Variants in WDR33 observed in about 807,000 individuals in gnomAD.
The protein encoded by WDR33 is WD repeat domain 33, also known as pre-mRNA 3' end processing protein WDR33.
A neutral mutation model predicts 164.9 loss-of-function variants in WDR33; 47 were observed. The observed-to-expected ratio is 0.29, with a 90% confidence interval of 0.23 to 0.36. The LOEUF is 0.36. WDR33 is among the 10% of genes least tolerant of loss of function. WDR33 has a pLI of 1.00. For synonymous variants in WDR33, 505 were observed against 589.0 expected (o/e 0.86, Z 2.06); for missense variants, 1,137 against 1,754.1 (o/e 0.65, Z 6.28).
At chr2:127,765,729 GATA>G (rs1335253365) in intron 4 of WDR33, among the ~76,000 whole-genome samples, 2 of 149,982 alleles carry the variant, frequency 1.3e-5, no homozygotes, top group East Asian at 2.0e-4. Context: ...AAAAAAACAA[GATA>G]ATAATAAGTA....
At chr2:127,728,066 A>T (rs1686614106) in intron 7 of WDR33, among the ~76,000 whole-genome samples, 2 of 152,244 alleles carry the variant, frequency 1.3e-5, no homozygotes, top group South Asian at 4.1e-4. Flanking sequence ...TATCAAAAGT[A>T]TGAGAAAGTA....
At chr2:127,730,589 TGAA>T (rs1453091649) in intron 7 of WDR33, among the ~76,000 whole-genome samples, 1 of 152,096 alleles carries the variant, frequency 6.6e-6, no homozygotes, top group Admixed American at 6.5e-5. Flanking sequence ...ACCATTAAAA[TGAA>T]GATTTTTGAA....
Position 127,708,827 on chromosome 2 carries a change from G to A in WDR33, c.3631C>T (p.Pro1211Ser), listed in dbSNP as rs1686080497. ...GAAGAGGAGCGTTCTCTGCTGGCTG[G>A]GGAATGACCGTCGTGAGGGGGATGA... ...PDHPPHDGHS[P>S]ASRERSSSLQ... Residue 1211 changes from proline to serine, a missense_variant, in exon 21 of 22, where the codon CCA becomes TCA. Physicochemically the swap from Pro to Ser is moderately conservative, Grantham distance 74. Coordinates refer to ENST00000322313, the MANE Select transcript of WDR33 (RefSeq NM_018383.5). The surrounding 1 kb of genome is among the most constrained non-coding windows in gnomAD (Gnocchi z 6.7). 6.2e-7 allele frequency: 1 copy of A among 1,612,334 alleles called. No individual in the cohort carries two copies.
chr2:127,789,557 G>A (rs1358129422), intron 1 of WDR33, among the ~76,000 whole-genome samples: 4 of 149,776 alleles, frequency 2.7e-5, no homozygotes, highest in African/African-American at 4.9e-5. Flanking sequence ...CAGGCGTGGC[G>A]GCGCGTGCCT....
intron 1 of WDR33, among the ~76,000 whole-genome samples, chr2:127,788,537 T>C (rs1421519000): frequency 9.5e-6 from 1 of 104,892 alleles, no homozygotes; most frequent in African/African-American, 4.1e-5. Context: ...CCCCCCCATC[T>C]CCCTCCCGGA....
chr2:127,711,782 T>A (rs813893), intron 18 of WDR33, among the ~76,000 whole-genome samples: 1,609 of 84,206 alleles, frequency 0.019, 39 homozygotes, highest in Admixed American at 0.066. Flanking sequence ...ATATATATAT[T>A]TTTTTTTTGA....
intron 1 of WDR33, among the ~76,000 whole-genome samples, chr2:127,809,902 A>C (rs1689586108): frequency 6.6e-6 from 1 of 152,218 alleles, no homozygotes; most frequent in Non-Finnish European, 1.5e-5. Context: ...CAAAAAAAGC[A>C]AAAGTATCTT....
At chr2:127,810,907 G>A (rs1689628475) in intron 1 of WDR33, 105 bp downstream of exon 1, 1 of 152,880 alleles carries the variant, frequency 6.5e-6, no homozygotes. Flanking sequence ...CCTGTGCCCA[G>A]GCGCCCGTCC....
At position 127,723,130 on chromosome 2, in the gene WDR33, CTGA is replaced by C. The variant is rs1686482641; in HGVS notation, c.1292-89_1292-87del. 2.1e-6 allele frequency: 3 copies of C among 1,425,332 alleles called. No homozygotes were observed. The highest frequency in any genetic ancestry group is 2.9e-6 in the Non-Finnish European group (3 of 1,042,932). 88.3% of individuals were successfully genotyped at this position (1,425,332 alleles called of 1,614,324 possible). Reference sequence around the variant, plus strand: ...TAATGCTTTATAAAAATGAATGTCACTGATGATTTATAAATAAATCTACTATAA... The same window carrying C: ...TAATGCTTTATAAAAATGAATGTCACTGATTTATAAATAAATCTACTATAA... On this transcript the variant is annotated intron_variant, in intron 12 of 21. Coordinates refer to ENST00000322313, the MANE Select transcript of WDR33 (RefSeq NM_018383.5). This position sits in a 1 kb window ranked among gnomAD's most constrained non-coding sequence, Gnocchi z 5.9.
rs1686292080 is a variant in WDR33 at position 127,716,004 on chromosome 2, A to G, written c.2869+1151T>C. ...GAGGGAAGGAGGTGGAGACAGACAC[A>G]GGGCAGGGAGAGGAAGAGAGGCAGC... On this transcript the variant is annotated intron_variant, in intron 17 of 21. Transcript: ENST00000322313. The surrounding 1 kb of genome is among the most constrained non-coding windows in gnomAD (Gnocchi z 4.5). Among the ~76,000 whole-genome samples, 3 of 152,286 alleles carry G rather than the reference A, an allele frequency of 2.0e-5. No homozygotes were observed. In the South Asian group the frequency reaches 6.2e-4, roughly 32 times the overall value.
intron 1 of WDR33, among the ~76,000 whole-genome samples, chr2:127,777,864 A>AG (rs1688236661): frequency 6.6e-6 from 1 of 152,172 alleles, no homozygotes; most frequent in South Asian, 2.1e-4. Context: ...CTCCCACCTC[A>AG]GCCTCTCAAA....
rs1686085403 is a variant in WDR33 at position 127,708,952 on chromosome 2, A to G, written c.3566-60T>C. 1.4e-6 allele frequency: 2 copies of G among 1,460,936 alleles called. No homozygotes were observed. The highest frequency in any genetic ancestry group is 2.4e-5 in the East Asian group (1 of 42,040). The allele number at this position is 1,460,936 out of a possible 1,614,324, so 90.5% of individuals were successfully genotyped here. A position where few individuals can be genotyped will look rare whatever the true frequency, so the allele number is the denominator to read the frequency against. On this transcript the variant is annotated intron_variant, in intron 20 of 21. Transcript: ENST00000322313. This position sits in a 1 kb window ranked among gnomAD's most constrained non-coding sequence, Gnocchi z 6.7. ...ACAGTGTGACCAGAAGTAGATGGGA[A>G]TGACACTGTGAGAGTAAGGAGCAAC...
In WDR33 at chr2:127,770,806, T is replaced by C. The variant is rs1418791238; in HGVS notation, c.176A>G (p.Tyr59Cys). Residue 59 changes from tyrosine to cysteine, a missense_variant, in exon 2 of 22, where the codon TAC becomes TGC. Physicochemically the swap from Tyr to Cys is radical, Grantham distance 194. This residue lies in a region of WDR33 where 55 missense variants were observed against 84.6 expected (regional missense o/e 0.65). Coordinates refer to ENST00000322313, the MANE Select transcript of WDR33 (RefSeq NM_018383.5). This position sits in a 1 kb window ranked among gnomAD's most constrained non-coding sequence, Gnocchi z 4.9. ...CAAATACTTAATTACAGATGGATTGTAGTCTATGGTTTTTCGGTTCACAGC... is the reference window on the plus strand; with the variant it reads ...CAAATACTTAATTACAGATGGATTGCAGTCTATGGTTTTTCGGTTCACAGC... ...RKAVNRKTIDYNPSVIKYLEN... is the reference protein window; with the variant it reads ...RKAVNRKTIDCNPSVIKYLEN... 1.9e-6 allele frequency: 3 copies of C among 1,614,062 alleles called. No homozygotes were observed. The highest frequency in any genetic ancestry group is 2.5e-6 in the Non-Finnish European group (3 of 1,180,034).
At chr2:127,728,031 A>T (rs1686613269) in intron 7 of WDR33, among the ~76,000 whole-genome samples, 1 of 152,220 alleles carries the variant, frequency 6.6e-6, no homozygotes, top group African/African-American at 2.4e-5. Context: ...GGTGACAACA[A>T]TCTGGAGAAC....
chr2:127,779,281 A>C (rs1288444104), intron 1 of WDR33, among the ~76,000 whole-genome samples: 1 of 152,068 alleles, frequency 6.6e-6, no homozygotes, highest in Non-Finnish European at 1.5e-5. Context: ...GAGCCTGGCT[A>C]ATATGGTGAA....
chr2:127,795,745 G>A (rs1297735970), intron 1 of WDR33, among the ~76,000 whole-genome samples: 5 of 151,240 alleles, frequency 3.3e-5, no homozygotes, highest in African/African-American at 7.3e-5. Flanking sequence ...AGATGGAGAG[G>A]ATCACTTGTG....
chr2:127,719,868 G>A lies in WDR33; in HGVS notation c.2157C>T (p.Pro719=). 6.8e-6 allele frequency: 11 copies of A among 1,613,540 alleles called. No individual in the cohort carries two copies. The highest frequency in any genetic ancestry group is 9.3e-6 in the Non-Finnish European group (11 of 1,179,908). ...GPPGPQGHIG[P]QGPPGPQGHL... ...GACCCTGAGGGCCAGGCGGGCCTTG[G>A]GGGCCTATGTGACCCTGTGGGCCAG... The change falls in exon 16 of 22, where the codon CCC becomes CCT. Residue 719 remains proline (P), a synonymous_variant. Coordinates refer to ENST00000322313, the MANE Select transcript of WDR33 (RefSeq NM_018383.5). This position sits in a 1 kb window ranked among gnomAD's most constrained non-coding sequence, Gnocchi z 6.5.
chr2:127,767,661 G>T (rs1447506989), intron 4 of WDR33, among the ~76,000 whole-genome samples: 1 of 152,108 alleles, frequency 6.6e-6, no homozygotes, highest in African/African-American at 2.4e-5. Context: ...CTTGCAGTGA[G>T]CCGAGATCAC....
Position 127,722,720 on chromosome 2 carries a change from T to C in WDR33, c.1389A>G (p.Glu463=), listed in dbSNP as rs1686469155. The part of the protein sequence containing the change: ...AMEQEQMGKD[E]SNEIEMTIPG... ...GAATTGTCATTTCAATTTCATTTGA[T>C]TCATCTTTCCCTGTAACCGTAAAGA... is the stretch of plus-strand genomic sequence containing the variant. Residue 463 remains glutamate, a synonymous_variant, in exon 14 of 22, where the codon GAA becomes GAG. Coordinates refer to ENST00000322313, the MANE Select transcript of WDR33 (RefSeq NM_018383.5). The surrounding 1 kb of genome is among the most constrained non-coding windows in gnomAD (Gnocchi z 5.1). 6.2e-7 allele frequency: 1 copy of C among 1,613,910 alleles called. No homozygotes were observed. Among genetic ancestry groups the C allele is most frequent in the African/African-American group, 1.3e-5 (1 of 74,932 alleles).
Sources: allele counts gnomAD v4.1 joint callset (sites outside exome capture counted in the v4.1 genomes callset), GRCh38; gene constraint gnomAD v4.1.1; regional missense constraint gnomAD v4.1.1; non-coding constraint Gnocchi (gnomAD v3.1); transcripts MANE v1.5; gene names NCBI Gene and HGNC (gene_info 2026-07-23, HGNC 2026-07-21).